The following PAIP1 variants were observed in gnomAD, a reference collection of about 807,000 sequenced individuals.
PAIP1 encodes the protein poly(A) binding protein interacting protein 1.
Under a neutral mutation model 61.3 loss-of-function variants are expected in PAIP1, and 16 were observed. The observed-to-expected ratio is 0.26, with a 90% CI of 0.18 to 0.40. PAIP1 has a LOEUF of 0.40. Among genes scored for constraint, PAIP1 ranks in the 10% least tolerant of loss-of-function variants. The pLI is 1.00. For synonymous variants in PAIP1, 187 were observed against 226.2 expected (o/e 0.83, Z 1.56); for missense variants, 416 against 600.9 (o/e 0.69, Z 3.22).
intron 6 of PAIP1, among the ~76,000 whole-genome samples, chr5:43,535,846 AC>A (rs1186201915): frequency 2.6e-5 from 4 of 152,326 alleles, no homozygotes; most frequent in African/African-American, 9.6e-5. Context: ...AACAAAAAAA[AC>A]AATAGCAGAA....
At chr5:43,537,535 T>C (rs1442446784) in intron 5 of PAIP1, among the ~76,000 whole-genome samples, 2 of 152,198 alleles carry the variant, frequency 1.3e-5, no homozygotes, top group African/African-American at 2.4e-5. Flanking sequence ...CATAGTAAGT[T>C]AGGCTCTGGA....
intron 2 of PAIP1, among the ~76,000 whole-genome samples, chr5:43,549,145 T>C (rs1747759411): frequency 6.6e-6 from 1 of 152,216 alleles, no homozygotes. Context: ...TTCACCATGT[T>C]GGCCAGGCTG....
chr5:43,549,083 G>C (rs1561237107), intron 2 of PAIP1, among the ~76,000 whole-genome samples: 1 of 152,122 alleles, frequency 6.6e-6, no homozygotes, highest in Non-Finnish European at 1.5e-5. Context: ...TGGGATTACA[G>C]GCATGCACCA....
chr5:43,534,862 G>A lies in PAIP1; in HGVS notation c.1188C>T (p.Asn396=), dbSNP rs986286555. ...YREATPENDP[N]YFMNEPTFYT... ...ATAAACACTGGCATACCATAAAGTA[G>A]TTAGGATCATTTTCTGGTGTTGCTT... The change falls in exon 8 of 11, where the codon AAC becomes AAT. Residue 396 remains asparagine, a synonymous_variant. Coordinates refer to ENST00000306846, the MANE Select transcript of PAIP1 (RefSeq NM_006451.5). 1.8e-5 allele frequency: 27 copies of A among 1,508,300 alleles called. No homozygotes were observed. The highest frequency in any genetic ancestry group is 2.5e-5 in the Non-Finnish European group (27 of 1,084,772). 93.4% of individuals were successfully genotyped at this position (1,508,300 alleles called of 1,614,324 possible).
intron 3 of PAIP1, among the ~76,000 whole-genome samples, chr5:43,546,184 C>T (rs1747628832): frequency 6.6e-6 from 1 of 152,176 alleles, no homozygotes; most frequent in South Asian, 2.1e-4. Context: ...CATCATTGAT[C>T]ATAGAATATT....
At chr5:43,542,878 T>C in intron 4 of PAIP1, 126 bp downstream of exon 4, 2 of 511,940 alleles carry the variant, frequency 3.9e-6, no homozygotes, top group Non-Finnish European at 7.1e-6. Context: ...AAACTTCAAA[T>C]ATAATGCACA....
At chr5:43,528,105 T>A (rs1484706183) in intron 10 of PAIP1, among the ~76,000 whole-genome samples, 1 of 152,006 alleles carries the variant, frequency 6.6e-6, no homozygotes, top group Non-Finnish European at 1.5e-5. Context: ...ATTTAAAGTG[T>A]CAATTAAGGA....
Position 43,526,556 on chromosome 5 carries a change from G to A in PAIP1, c.*820C>T, listed in dbSNP as rs917327982. 1 of 150,228 alleles carries A rather than the reference G, an allele frequency of 6.7e-6. No homozygotes were observed. 9.3% of individuals were successfully genotyped at this position (150,228 alleles called of 1,614,324 possible). On this transcript the variant is annotated 3_prime_UTR_variant, in exon 11 of 11. Transcript: ENST00000306846. ...GTATTAGAAAAGTGACCCTCAAGGT[G>A]TATCAATTATAAAGCAGATGAAAAC...
chr5:43,534,747 A>AC, intron 8 of PAIP1, 106 bp downstream of exon 8: 5 of 686,506 alleles, frequency 7.3e-6, no homozygotes, highest in Non-Finnish European at 1.3e-5. Context: ...GCCAGTGAAG[A>AC]CAGTTATTAG....
intron 10 of PAIP1, among the ~76,000 whole-genome samples, chr5:43,528,622 CTAGAATA>C (rs1344917932): frequency 2.0e-5 from 3 of 151,778 alleles, no homozygotes; most frequent in South Asian, 2.1e-4. Context: ...TTCTATTAAA[CTAGAATA>C]TAGAAGTACA....
chr5:43,543,431 C>G (rs574010414), intron 3 of PAIP1, among the ~76,000 whole-genome samples: 1 of 151,940 alleles, frequency 6.6e-6, no homozygotes, highest in Non-Finnish European at 1.5e-5. Flanking sequence ...CTCAACTGCA[C>G]AGTGACAATT....
chr5:43,556,656 G>C lies in PAIP1; in HGVS notation c.191C>G (p.Thr64Arg). ...LQPPPLRQPR[T>R]TPPPGAQCEV... Reference sequence around the variant, plus strand: ...GCACTGGGCCCCTGGCGGCGGGGTCGTCCTGGGCTGGCGCAGCGGCGGTGG... The same window carrying C: ...GCACTGGGCCCCTGGCGGCGGGGTCCTCCTGGGCTGGCGCAGCGGCGGTGG... Residue 64 changes from threonine (T) to arginine (R), a missense_variant, in exon 1 of 11, where the codon ACG (threonine) becomes AGG (arginine). Around this residue, in one of 4 missense-constraint regions of PAIP1, gnomAD observed 180 missense variants for 211.2 expected, o/e 0.85. Coordinates refer to ENST00000306846, the MANE Select transcript of PAIP1 (RefSeq NM_006451.5). 1 of 1,279,062 alleles carries C rather than the reference G, an allele frequency of 7.8e-7. No individual in the cohort carries two copies. 79.2% of individuals were successfully genotyped at this position (1,279,062 alleles called of 1,614,324 possible).
intron 2 of PAIP1, among the ~76,000 whole-genome samples, chr5:43,550,837 C>CAAAAAAAAAAAAAAAAAAAAAAAAAGAAA (rs373730839): frequency 2.0e-5 from 1 of 49,556 alleles, no homozygotes; most frequent in African/African-American, 9.9e-5. Flanking sequence ...AAATATACTA[C>CAAAAAAAAAAAAAAAAAAAAAAAAAGAAA]AAAAAAAAAA....
intron 9 of PAIP1, among the ~76,000 whole-genome samples, chr5:43,531,740 A>G (rs1296456651): frequency 6.6e-6 from 1 of 151,690 alleles, no homozygotes; most frequent in African/African-American, 2.4e-5. Flanking sequence ...GTTAACAAAA[A>G]GTACACCTGG....
chr5:43,531,045 A>G (rs12514093), intron 9 of PAIP1, among the ~76,000 whole-genome samples: 151,536 of 152,264 alleles, frequency 1, 75,413 homozygotes, highest in Middle Eastern at 1. Flanking sequence ...TCTCAGTGGT[A>G]TTTTATCTTC....
Position 43,556,881 on chromosome 5 carries a change from C to G in PAIP1, c.-35G>C. 7.3e-7 allele frequency: 1 copy of G among 1,367,338 alleles called. No individual in the cohort carries two copies. The highest frequency in any genetic ancestry group is 9.4e-7 in the Non-Finnish European group (1 of 1,063,944). The allele number at this position is 1,367,338 out of a possible 1,614,324, so 84.7% of individuals were successfully genotyped here. ...CCTCCGCCTCCTCCTCCAGGGGCCGCTGCCGCTGCGCTCGCGATAGGACGC... is the reference window on the plus strand; with the variant it reads ...CCTCCGCCTCCTCCTCCAGGGGCCGGTGCCGCTGCGCTCGCGATAGGACGC... On this transcript the variant is annotated 5_prime_UTR_variant, in exon 1 of 11. Transcript: ENST00000306846.
intron 2 of PAIP1, among the ~76,000 whole-genome samples, chr5:43,548,475 C>T (rs967434138): frequency 2.0e-5 from 3 of 152,004 alleles, no homozygotes; most frequent in South Asian, 4.1e-4. Context: ...TAAAGCTGCT[C>T]GAGTAACTAA....
At chr5:43,527,714 A>C (rs144286156) in intron 10 of PAIP1, among the ~76,000 whole-genome samples, 1 of 152,314 alleles carries the variant, frequency 6.6e-6, no homozygotes, top group African/African-American at 2.4e-5. Context: ...ATACTTTTAG[A>C]CATAAGTTAA....
Position 43,556,564 on chromosome 5 carries a change from C to G in PAIP1, c.265+18G>C. ...GCGTTCGCCAAGGAGGACTGGGGCC[C>G]TTAGAGCTGCTCCGTACCTGGGAGC... On this transcript the variant is annotated intron_variant, in intron 1 of 10. Transcript: ENST00000306846. 1 of 1,249,948 alleles carries G rather than the reference C, an allele frequency of 8.0e-7. No homozygotes were observed. The highest frequency in any genetic ancestry group is 1.0e-6 in the Non-Finnish European group (1 of 992,146). The allele number at this position is 1,249,948 out of a possible 1,614,324, so 77.4% of individuals were successfully genotyped here.
Sources: gnomAD v4.1 joint callset for allele counts (sites outside exome capture counted in the v4.1 genomes callset) on GRCh38, gnomAD v4.1.1 for gene constraint, gnomAD v4.1.1 regional missense constraint, MANE v1.5 for transcripts, NCBI Gene and HGNC (gene_info 2026-07-23, HGNC 2026-07-21) for gene names.